The following CA5A variants were observed in gnomAD, a reference collection of about 807,000 sequenced individuals.
CA5A encodes the protein carbonic anhydrase 5A.
In CA5A, 28 loss-of-function variants were observed where a neutral mutation model predicts 37.1. The observed-to-expected ratio is 0.75, with a 90% CI of 0.56 to 1.03. The LOEUF is 1.03. Among genes scored for constraint, CA5A ranks in the 50% least tolerant of loss-of-function variants. The pLI is 0.00. For missense variants in CA5A, 444 were observed against 399.9 expected (o/e 1.11, Z -0.94); for synonymous variants, 171 against 158.4 (o/e 1.08, Z -0.60).
At chr16:87,907,363 C>T (rs1330292232) in intron 2 of CA5A, among the ~76,000 whole-genome samples, 2 of 152,162 alleles carry the variant, frequency 1.3e-5, no homozygotes, top group Admixed American at 6.6e-5. Flanking sequence ...GGTTTGCAGC[C>T]GACCAGCCCC....
intron 6 of CA5A, 25 bp from the exon 7 acceptor site, chr16:87,888,297 A>T: frequency 1.2e-6 from 2 of 1,603,144 alleles, no homozygotes; most frequent in Non-Finnish European, 1.7e-6. Context: ...AGCCAGGGTG[A>T]GCTTGGTATG....
At chr16:87,900,585 T>C (rs1280026616) in intron 5 of CA5A, among the ~76,000 whole-genome samples, 4 of 152,242 alleles carry the variant, frequency 2.6e-5, no homozygotes, top group African/African-American at 9.6e-5. Context: ...AAACTACATT[T>C]CTTTGGAATT....
rs573922776 is a variant in CA5A at position 87,929,886 on chromosome 16, A to T, written c.143-2941T>A. Among the ~76,000 whole-genome samples the T allele has an allele frequency of 2.6e-4, 39 of 151,680 alleles. 2 individuals carry two copies. The South Asian group carries it at 7.7e-3, about 30-fold the overall frequency. On this transcript the variant is annotated intron_variant, in intron 1 of 6. Coordinates refer to ENST00000649794, the MANE Select transcript of CA5A (RefSeq NM_001739.2). ...GACTCCGTCTCAAAAAAAAAAAAAA[A>T]AAAAAAAAAATAAGTAAACCATCAG...
intron 4 of CA5A, chr16:87,882,868 C>T (rs2055620116): frequency 6.6e-6 from 1 of 152,474 alleles, no homozygotes; most frequent in Non-Finnish European, 1.5e-5. Context: ...GCATCGCCAC[C>T]AAGTGTGATC....
chr16:87,925,636 T>G (rs1260693866), intron 2 of CA5A: 3 of 152,112 alleles, frequency 2.0e-5, no homozygotes, highest in Non-Finnish European at 4.4e-5. Flanking sequence ...CTGATAAAAA[T>G]GCAAACATAA....
At chr16:87,893,209 C>G in intron 5 of CA5A, 1 of 421,508 alleles carries the variant, frequency 2.4e-6, no homozygotes, top group Non-Finnish European at 4.3e-6. Flanking sequence ...CTCACTGCAG[C>G]CTCTGCTTCC....
chr16:87,922,336 G>T (rs998417162), intron 2 of CA5A, among the ~76,000 whole-genome samples: 6 of 152,162 alleles, frequency 3.9e-5, no homozygotes, highest in Admixed American at 3.9e-4. Flanking sequence ...AGACAGGCAC[G>T]CAGGTTGAGA....
intron 6 of CA5A, among the ~76,000 whole-genome samples, chr16:87,891,358 T>C (rs1258391939): frequency 6.6e-6 from 1 of 151,100 alleles, no homozygotes; most frequent in Non-Finnish European, 1.5e-5. Flanking sequence ...ATCCCAGCTA[T>C]TTGGGAGGCT....
intron 3 of CA5A, among the ~76,000 whole-genome samples, chr16:87,902,761 AAT>A (rs1272971680): frequency 6.6e-6 from 1 of 151,700 alleles, no homozygotes; most frequent in African/African-American, 2.4e-5. Context: ...AAAAAAAAAA[AAT>A]TAGCTGGGCG....
intron 2 of CA5A, among the ~76,000 whole-genome samples, chr16:87,926,029 C>G (rs968754144): frequency 3.3e-5 from 5 of 152,128 alleles, no homozygotes; most frequent in African/African-American, 9.7e-5. Flanking sequence ...TCGAGAGCAG[C>G]CTGGCCAACA....
chr16:87,911,776 G>A lies in CA5A; in HGVS notation c.341-6872C>T, dbSNP rs2056056219. Among the ~76,000 whole-genome samples the A allele has an allele frequency of 6.6e-6, 1 of 152,146 alleles. No individual in the cohort carries two copies. Among genetic ancestry groups the A allele is most frequent in the African/African-American group, 2.4e-5 (1 of 41,424 alleles). ...ACTGGTTTGAAAGCCAGGCAAATGT[G>A]GGCTCCAATCCTGGCTTCACACGGT... On this transcript the variant is annotated intron_variant, in intron 2 of 6. Transcript: ENST00000649794. This position sits in a 1 kb window ranked among gnomAD's most constrained non-coding sequence, Gnocchi z 4.6.
At chr16:87,906,039 G>A (rs181219642) in intron 2 of CA5A, among the ~76,000 whole-genome samples, 5 of 152,340 alleles carry the variant, frequency 3.3e-5, no homozygotes, top group African/African-American at 1.2e-4. Context: ...CTTCTCCTGT[G>A]TCTAAGTACT....
At chr16:87,894,759 A>G (rs542789361) in intron 5 of CA5A, among the ~76,000 whole-genome samples, 239 of 152,184 alleles carry the variant, frequency 1.6e-3, no homozygotes, top group African/African-American at 5.5e-3. Flanking sequence ...GGTGCCTGTC[A>G]TCGCAGCTGC....
chr16:87,929,716 C>T (rs546996589), intron 1 of CA5A, among the ~76,000 whole-genome samples: 2 of 149,534 alleles, frequency 1.3e-5, no homozygotes, highest in South Asian at 2.1e-4. Context: ...ACTAAAAATA[C>T]AAAAAATTAG....
At chr16:87,900,891 G>A (rs937981796) in intron 5 of CA5A, among the ~76,000 whole-genome samples, 25 of 152,200 alleles carry the variant, frequency 1.6e-4, no homozygotes, top group African/African-American at 6.0e-4. Flanking sequence ...CCATCACCCA[G>A]GACAAGGCTA....
chr16:87,891,755 G>A lies in CA5A; in HGVS notation c.774+44C>T, dbSNP rs768996240. Reference sequence around the variant, plus strand: ...AGTGACGCTGCCAAGCAAGAGGGACGCCTTCCATGAAGCGCCATCGTGCCA... The same window carrying A: ...AGTGACGCTGCCAAGCAAGAGGGACACCTTCCATGAAGCGCCATCGTGCCA... On this transcript the variant is annotated intron_variant, in intron 6 of 6. Transcript: ENST00000649794. 14 of 1,436,106 alleles carry A rather than the reference G, an allele frequency of 9.7e-6. No homozygotes were observed. The South Asian group carries it at 1.2e-4, about 13-fold the overall frequency. The allele number at this position is 1,436,106 out of a possible 1,614,324, so 89.0% of individuals were successfully genotyped here.
intron 6 of CA5A, among the ~76,000 whole-genome samples, chr16:87,890,432 C>T (rs1310275966): frequency 6.6e-6 from 1 of 152,156 alleles, no homozygotes; most frequent in Non-Finnish European, 1.5e-5. Context: ...TAAGAGCTCA[C>T]CTGGAGCCCT....
chr16:87,917,333 C>T (rs546366552), intron 2 of CA5A, among the ~76,000 whole-genome samples: 24 of 152,288 alleles, frequency 1.6e-4, no homozygotes, highest in African/African-American at 5.8e-4. Flanking sequence ...ATCAGAGTCA[C>T]TGCTCTGGGA....
downstream of CA5A, chr16:87,887,995 G>C: frequency 1.5e-6 from 2 of 1,359,354 alleles, no homozygotes; most frequent in Non-Finnish European, 2.0e-6. Flanking sequence ...CAGCTGAAAA[G>C]TACTTCGACT....
Sources: allele counts gnomAD v4.1 joint callset (sites outside exome capture counted in the v4.1 genomes callset), GRCh38; gene constraint gnomAD v4.1.1; non-coding constraint Gnocchi (gnomAD v3.1); transcripts MANE v1.5; gene names NCBI Gene and HGNC (gene_info 2026-07-23, HGNC 2026-07-21).